The following RASA3 variants were observed in gnomAD, a reference collection of about 807,000 sequenced individuals.
The protein encoded by RASA3 is ras GTPase-activating protein 3.
A neutral mutation model predicts 110.0 loss-of-function variants in RASA3; 73 were observed. The ratio of observed to expected loss-of-function variants is 0.66; its 90% CI spans 0.55 to 0.81. RASA3 has a LOEUF of 0.81. Ranked by LOEUF, RASA3 falls within the 30% of genes least tolerant of loss-of-function variation. The pLI is 0.00. For synonymous variants in RASA3, 500 were observed against 451.4 expected, an observed-to-expected ratio of 1.11 and a Z score of -1.37; for missense variants, 976 against 1,113.2, an observed-to-expected ratio of 0.88 and a Z score of 1.75.
rs140548574 is a variant in RASA3, at chr13:114,052,203, G to A, written c.174-48C>T. On this transcript the variant is annotated intron_variant, in intron 2 of 23. Coordinates refer to ENST00000334062, the MANE Select transcript of RASA3 (RefSeq NM_007368.4). ...CAGTTAGAACACAGGCCACGCTTGCGCCTCACCCCCGGGGCACACACGTGT... is the reference window on the plus strand; with the variant it reads ...CAGTTAGAACACAGGCCACGCTTGCACCTCACCCCCGGGGCACACACGTGT... The A allele has an allele frequency of 1.5e-4, 195 of 1,329,252 alleles. No homozygotes were observed. In the African/African-American group the frequency reaches 2.4e-3, roughly 16 times the overall value. 82.3% of individuals were successfully genotyped at this position (1,329,252 alleles called of 1,614,324 possible).
intron 23 of RASA3, among the ~76,000 whole-genome samples, chr13:113,980,258 CCCA>C (rs1212301544): frequency 2.0e-5 from 3 of 146,956 alleles, no homozygotes; most frequent in African/African-American, 2.6e-5. Flanking sequence ...TGTGCCTTCT[CCCA>C]CATGTGCGCA....
chr13:114,017,673 C>T (rs2053823864), intron 11 of RASA3, among the ~76,000 whole-genome samples: 1 of 152,268 alleles, frequency 6.6e-6, no homozygotes, highest in South Asian at 2.1e-4. Context: ...GCACCAGACC[C>T]TGGCAGCATC....
chr13:114,063,355 A>G (rs1172030228), intron 2 of RASA3, among the ~76,000 whole-genome samples: 1 of 150,208 alleles, frequency 6.7e-6, no homozygotes, highest in Non-Finnish European at 1.5e-5. Flanking sequence ...TATTACATTT[A>G]TAACATAAAT....
intron 13 of RASA3, 152 bp downstream of exon 13, chr13:114,016,045 C>A (rs574242454): frequency 1.6e-6 from 1 of 640,514 alleles, no homozygotes; most frequent in Non-Finnish European, 2.8e-6. Context: ...GTGCAGCCAG[C>A]GTACTGCAGC....
In RASA3 at chr13:114,017,310, T is replaced by C. The variant is rs1414066853; in HGVS notation, c.1133A>G (p.Lys378Arg). Reference protein sequence around the residue: ...TIFRGNSLASKCIDETMKLAG... With the variant: ...TIFRGNSLASRCIDETMKLAG... ...CAGCTTCATGGTCTCGTCGATGCAC[T>C]TGGACGCCAGTGAGTTTCCTCGGAA... Residue 378 changes from lysine to arginine, a missense_variant, in exon 12 of 24, where the codon AAG becomes AGG. Coordinates refer to ENST00000334062, the MANE Select transcript of RASA3 (RefSeq NM_007368.4). 1.9e-6 allele frequency: 3 copies of C among 1,614,010 alleles called. No individual in the cohort carries two copies. The highest frequency in any genetic ancestry group is 2.2e-5 in the East Asian group (1 of 44,888).
At chr13:114,078,578 C>T (rs1161178262) in intron 1 of RASA3, among the ~76,000 whole-genome samples, 3 of 152,214 alleles carry the variant, frequency 2.0e-5, no homozygotes, top group African/African-American at 7.2e-5. Flanking sequence ...CACCTCGCAT[C>T]GGCTCTGAAA....
At chr13:114,042,129 T>C (rs561265724) in intron 3 of RASA3, among the ~76,000 whole-genome samples, 1 of 152,268 alleles carries the variant, frequency 6.6e-6, no homozygotes, top group Non-Finnish European at 1.5e-5. Flanking sequence ...TATCTGCTTA[T>C]ACGTTCACCT....
rs549437371 is a variant in RASA3 at position 114,020,873 on chromosome 13, C to T, written c.785+531G>A. ...CAGAACAAGACCCGGAGCGCAGCCG[C>T]GGCGCAGCCCTGCTGTGTGCGCATT... On this transcript the variant is annotated intron_variant, in intron 9 of 23. Transcript: ENST00000334062. Among the ~76,000 whole-genome samples, 53 of 152,306 alleles carry T rather than the reference C, an allele frequency of 3.5e-4. 1 individual carries two copies. Among genetic ancestry groups the T allele is most frequent in the Admixed American group, 2.7e-3 (42 of 15,278 alleles).
At chr13:114,038,880 T>C (rs953451459) in intron 4 of RASA3, among the ~76,000 whole-genome samples, 1 of 152,226 alleles carries the variant, frequency 6.6e-6, no homozygotes, top group Non-Finnish European at 1.5e-5. Context: ...ACCCACCCAG[T>C]TGCCTCTGCT....
At chr13:114,055,101 CGTAT>C (rs113417130) in intron 2 of RASA3, among the ~76,000 whole-genome samples, 14 of 151,710 alleles carry the variant, frequency 9.2e-5, no homozygotes, top group East Asian at 1.9e-4. Context: ...TGTGTGTGCC[CGTAT>C]GTGTGTCCCC....
chr13:114,104,248 A>G (rs113617386), intron 1 of RASA3, among the ~76,000 whole-genome samples: 8,136 of 15,546 alleles, frequency 0.52, 3,115 homozygotes, highest in Non-Finnish European at 0.62. Context: ...ATGCGTCCAC[A>G]CTGCCACGGC....
chr13:114,126,977 T>G (rs1281333599), intron 1 of RASA3, among the ~76,000 whole-genome samples: 3 of 152,096 alleles, frequency 2.0e-5, no homozygotes, highest in Admixed American at 1.3e-4. Context: ...ACCAAGCCCC[T>G]CCCACCATCG....
In RASA3 at chr13:114,037,321, G is replaced by A. The variant is rs139928390; in HGVS notation, c.372+3679C>T. ...AGCAACAGCACACGCTTCGCACCTC[G>A]GACCATTCCTCAGCCTTGGAAGGAA... On this transcript the variant is annotated intron_variant, in intron 4 of 23. Coordinates refer to ENST00000334062, the MANE Select transcript of RASA3 (RefSeq NM_007368.4). Among the ~76,000 whole-genome samples the A allele has an allele frequency of 3.5e-3, 526 of 152,228 alleles. 8 individuals are homozygous for A. Among genetic ancestry groups the A allele is most frequent in the African/African-American group, 0.012 (512 of 41,528 alleles).
chr13:114,013,051 G>A lies in RASA3; in HGVS notation c.1512+91C>T, dbSNP rs572464795. ...TCCCCACGCATTCCACACTCCACAC[G>A]GTCGGCCCCCTACAGCCACGCAGAT... On this transcript the variant is annotated intron_variant, in intron 15 of 23. Transcript: ENST00000334062. The A allele has an allele frequency of 1.8e-5, 18 of 1,027,262 alleles. No homozygotes were observed. The African/African-American group carries it at 2.1e-4, about 12-fold the overall frequency. The allele number at this position is 1,027,262 out of a possible 1,614,324, so 63.6% of individuals were successfully genotyped here.
intron 1 of RASA3, among the ~76,000 whole-genome samples, chr13:114,089,052 C>T (rs1042856480): frequency 3.3e-5 from 5 of 152,104 alleles, no homozygotes; most frequent in South Asian, 2.1e-4. Context: ...CAGAGCCTGG[C>T]GAGTCCCGAA....
rs528429551 is a variant in RASA3, at chr13:114,074,292, G to C, written c.56-455C>G. 3.7e-4 allele frequency among the ~76,000 whole-genome samples: 57 copies of C among 152,148 alleles called. 1 individual carries two copies. The South Asian group carries it at 8.3e-3, about 22-fold the overall frequency. The stretch of plus-strand genomic sequence containing the variant: ...CAACACTCACTCCCATCCCCCTCCT[G>C]CTGTCTCCCAGTGGCCCTCACCCCA... On this transcript the variant is annotated intron_variant, in intron 1 of 23. Transcript: ENST00000334062.
intron 5 of RASA3, among the ~76,000 whole-genome samples, chr13:114,029,231 C>A (rs1594350000): frequency 5.0e-5 from 1 of 19,862 alleles, no homozygotes; most frequent in African/African-American, 5.9e-4. Flanking sequence ...GCCAGGACCT[C>A]TAAAACGGCA....
At chr13:114,105,670 G>A (rs1031708837) in intron 1 of RASA3, among the ~76,000 whole-genome samples, 2 of 152,234 alleles carry the variant, frequency 1.3e-5, no homozygotes, top group South Asian at 2.1e-4. Context: ...AGGCACTGGC[G>A]TCTGCAGCAC....
At position 114,112,636 on chromosome 13, in the gene RASA3, T is replaced by C. The variant is rs2080234192; in HGVS notation, c.55+19799A>G. Among the ~76,000 whole-genome samples the C allele has an allele frequency of 6.6e-6, 1 of 151,826 alleles. No individual in the cohort carries two copies. The highest frequency in any genetic ancestry group is 2.4e-5 in the African/African-American group (1 of 41,332). On this transcript the variant is annotated intron_variant, in intron 1 of 23. Coordinates refer to ENST00000334062, the MANE Select transcript of RASA3 (RefSeq NM_007368.4). The surrounding 1 kb of genome is among the most constrained non-coding windows in gnomAD (Gnocchi z 4.8). Reference sequence around the variant, plus strand: ...GAGCCCCGGGTTAAGGGTTGGTAACTGGAGAATGGGGTGGGGGTATGCCAG... The same window carrying C: ...GAGCCCCGGGTTAAGGGTTGGTAACCGGAGAATGGGGTGGGGGTATGCCAG...
Sources: gnomAD v4.1 joint callset for allele counts (sites outside exome capture counted in the v4.1 genomes callset) on GRCh38, gnomAD v4.1.1 for gene constraint, Gnocchi (gnomAD v3.1) non-coding constraint, MANE v1.5 for transcripts, NCBI Gene and HGNC (gene_info 2026-07-23, HGNC 2026-07-21) for gene names.